The following TENM2 variants were observed in gnomAD, a reference collection of about 807,000 sequenced individuals.
The protein encoded by TENM2 is teneurin-2.
In TENM2, 52 loss-of-function variants were observed where a neutral mutation model predicts 245.2. The ratio of observed to expected loss-of-function variants is 0.21; its 90% CI spans 0.17 to 0.27. The LOEUF (loss-of-function observed/expected upper bound fraction) is 0.27, where lower values mean the gene tolerates loss of function less well. TENM2 is among the 10% of genes least tolerant of loss of function. The pLI, the probability that TENM2 is intolerant of heterozygous loss-of-function variation, is 1.00. For missense variants in TENM2, 3,046 were observed against 3,666.8 expected, an observed-to-expected ratio of 0.83 and a Z score of 4.37; for synonymous variants, 1,363 against 1,438.9, an observed-to-expected ratio of 0.95 and a Z score of 1.19.
At chr5:167,445,018 T>A (rs1298703091) in intron 2 of TENM2, among the ~76,000 whole-genome samples, 1 of 152,068 alleles carries the variant, frequency 6.6e-6, no homozygotes, top group Non-Finnish European at 1.5e-5. Flanking sequence ...GATTTGAGCA[T>A]TAAGAGTTAT....
At chr5:168,216,659 A>G (rs1342432003) in intron 21 of TENM2, 109 bp from the exon 24 acceptor site, 3 of 1,007,258 alleles carry the variant, frequency 3.0e-6, no homozygotes, top group Non-Finnish European at 4.6e-6. Context: ...CAATTCCAGT[A>G]AGGTCTCTGG....
chr5:167,895,996 T>C (rs372221305), intron 3 of TENM2, among the ~76,000 whole-genome samples: 7 of 152,232 alleles, frequency 4.6e-5, no homozygotes, highest in East Asian at 1.9e-4. Context: ...GCCTTAAGGG[T>C]ACTTTAGTCT....
chr5:167,965,538 C>T (rs1173290220), intron 4 of TENM2: 1 of 151,960 alleles, frequency 6.6e-6, no homozygotes, highest in East Asian at 1.9e-4. Context: ...GCTATGATCA[C>T]ACCCCTGCGC....
At chr5:167,524,936 C>T (rs1771007593) in intron 2 of TENM2, among the ~76,000 whole-genome samples, 1 of 151,890 alleles carries the variant, frequency 6.6e-6, no homozygotes, top group Admixed American at 6.6e-5. Context: ...TAAACTGTAA[C>T]ACATCTGAAG....
At chr5:167,625,289 T>C (rs563216883) in intron 2 of TENM2, among the ~76,000 whole-genome samples, 14 of 152,328 alleles carry the variant, frequency 9.2e-5, no homozygotes, top group African/African-American at 3.1e-4. Context: ...TTATGTGTGA[T>C]CGTGTGGCAT....
intron 2 of TENM2, among the ~76,000 whole-genome samples, chr5:167,746,647 T>C (rs998127919): frequency 7.0e-6 from 1 of 142,652 alleles, no homozygotes; most frequent in Non-Finnish European, 1.5e-5. Flanking sequence ...TTTTCAGTTA[T>C]GTGGGCACTG....
chr5:168,152,825 C>T (rs1756773250), intron 12 of TENM2, among the ~76,000 whole-genome samples: 1 of 152,144 alleles, frequency 6.6e-6, no homozygotes, highest in African/African-American at 2.4e-5. Flanking sequence ...CTGCTTCTTA[C>T]AAGTTGAAAG....
At chr5:167,167,201 T>G in the TENM2 span, among the ~76,000 whole-genome samples, 231 of 152,290 alleles carry the variant, frequency 1.5e-3, no homozygotes, top group Admixed American at 5.3e-3. Context: ...CGTCTGTAAA[T>G]TCTGACAAAC....
chr5:167,382,335 A>G (rs555268137), intron 2 of TENM2, among the ~76,000 whole-genome samples: 1 of 152,184 alleles, frequency 6.6e-6, no homozygotes, highest in Non-Finnish European at 1.5e-5. Context: ...GCTAGAAGAG[A>G]GACATGCAGT....
rs749592322 is a variant in TENM2 at position 168,162,597 on chromosome 5, A to G, written c.2423-14A>G. 12 of 1,611,988 alleles carry G rather than the reference A, an allele frequency of 7.4e-6. No individual in the cohort carries two copies. Among genetic ancestry groups the G allele is most frequent in the East Asian group, 2.2e-5 (1 of 44,792 alleles). On this transcript the variant is annotated splice_polypyrimidine_tract_variant and intron_variant, in intron 12 of 28. Coordinates refer to ENST00000518659, the Ensembl canonical transcript of TENM2. ...CACGTCCCTCCTTCTCATCCTCTCCATTTCTCCAACCAGATGGCTGCCCTG... is the reference window on the plus strand; with the variant it reads ...CACGTCCCTCCTTCTCATCCTCTCCGTTTCTCCAACCAGATGGCTGCCCTG...
At chr5:167,192,293 G>A in the TENM2 span, among the ~76,000 whole-genome samples, 2,696 of 152,064 alleles carry the variant, frequency 0.018, 83 homozygotes, top group African/African-American at 0.061. Flanking sequence ...GTATTCTTGT[G>A]TCTCGATTTA....
intron 2 of TENM2, among the ~76,000 whole-genome samples, chr5:167,441,191 C>T (rs1764861817): frequency 6.6e-6 from 1 of 152,132 alleles, no homozygotes; most frequent in South Asian, 2.1e-4. Flanking sequence ...CTAATGTCTA[C>T]CTGAATATTA....
At chr5:167,719,150 T>C (rs1357908911) in intron 2 of TENM2, among the ~76,000 whole-genome samples, 1 of 152,184 alleles carries the variant, frequency 6.6e-6, no homozygotes, top group Non-Finnish European at 1.5e-5. Flanking sequence ...GTAGTTAAAG[T>C]AGATGAGAAG....
intron 1 of TENM2, among the ~76,000 whole-genome samples, chr5:167,345,114 C>T (rs1289001456): frequency 1.3e-5 from 2 of 152,146 alleles, no homozygotes; most frequent in Non-Finnish European, 2.9e-5. Context: ...CTAGTCAGGG[C>T]TGTTTCTCTT....
the TENM2 span, among the ~76,000 whole-genome samples, chr5:166,999,877 A>G: frequency 6.6e-6 from 1 of 152,120 alleles, no homozygotes; most frequent in Non-Finnish European, 1.5e-5. Context: ...AACTTGAGAG[A>G]AGAGAGGAAG....
intron 1 of TENM2, chr5:167,308,153 C>G (rs1021225719): frequency 6.6e-6 from 1 of 152,336 alleles, no homozygotes; most frequent in South Asian, 2.1e-4. Context: ...CTCACTCATT[C>G]CTCTGCACTA....
intron 2 of TENM2, among the ~76,000 whole-genome samples, chr5:167,517,311 G>A (rs1243479548): frequency 1.3e-5 from 2 of 152,094 alleles, no homozygotes; most frequent in African/African-American, 4.8e-5. Context: ...AGTCAGTGAT[G>A]GGCACTGCAT....
intron 23 of TENM2, 41 bp downstream of exon 25, chr5:168,219,040 T>C (rs929327126): frequency 5.1e-6 from 8 of 1,575,498 alleles, no homozygotes; most frequent in Non-Finnish European, 6.9e-6. Context: ...GCCCTTCCCT[T>C]GCCCTAGCTG....
At chr5:167,091,447 C>A in the TENM2 span, among the ~76,000 whole-genome samples, 2 of 152,118 alleles carry the variant, frequency 1.3e-5, no homozygotes, top group African/African-American at 4.8e-5. Context: ...ATGTGTTTAA[C>A]CTCACAATGG....
Sources: allele counts gnomAD v4.1 joint callset (sites outside exome capture counted in the v4.1 genomes callset), GRCh38; gene constraint gnomAD v4.1.1; transcripts MANE v1.5; gene names NCBI Gene and HGNC (gene_info 2026-07-23, HGNC 2026-07-21).